The following ENTPD6 variants were observed in gnomAD, a reference collection of about 807,000 sequenced individuals.
ENTPD6 encodes CD39 antigen-like 2.
ENTPD6 carries 46 observed loss-of-function variants against 61.5 expected under a neutral mutation model. That is an observed-to-expected ratio of 0.75 (90% CI 0.59 to 0.96). The LOEUF (loss-of-function observed/expected upper bound fraction) is 0.96, where lower values mean the gene tolerates loss of function less well. Ranked by LOEUF, ENTPD6 falls within the 40% of genes least tolerant of loss-of-function variation. The pLI is 0.00. For missense variants in ENTPD6, 612 were observed against 629.0 expected (o/e 0.97, Z 0.29); for synonymous variants, 252 against 255.5 (o/e 0.99, Z 0.13).
chr20:25,218,433 C>A, intron 9 of ENTPD6, 117 bp from the exon 10 acceptor site: 1 of 866,864 alleles, frequency 1.2e-6, no homozygotes, highest in South Asian at 1.4e-5. Context: ...CAGAGAAGCT[C>A]ACTAACTGCC....
At position 25,226,229 on chromosome 20, in the gene ENTPD6, C is replaced by T. The variant is rs761749219; in HGVS notation, c.*632C>T. ...GTTTGGGGTTAATGATGGAGGGAGACACCTCCTCATAGACGGCAGGTGCCC... is the reference window on the plus strand; with the variant it reads ...GTTTGGGGTTAATGATGGAGGGAGATACCTCCTCATAGACGGCAGGTGCCC... On this transcript the variant is annotated 3_prime_UTR_variant, in exon 15 of 15. Coordinates refer to ENST00000376652, the MANE Select transcript of ENTPD6 (RefSeq NM_001247.5). The T allele has an allele frequency of 2.6e-5, 4 of 152,756 alleles. No homozygotes were observed. Among genetic ancestry groups the T allele is most frequent in the Non-Finnish European group, 4.4e-5 (3 of 68,084 alleles). 9.5% of individuals were successfully genotyped at this position (152,756 alleles called of 1,614,324 possible).
intron 6 of ENTPD6, 131 bp downstream of exon 6, chr20:25,215,073 A>G (rs2123047539): frequency 1.6e-6 from 1 of 637,766 alleles, no homozygotes; most frequent in Non-Finnish European, 2.8e-6. Context: ...CCGATGCTCA[A>G]GTAAAGAATC....
rs1418430222 is a variant in ENTPD6, at chr20:25,226,817, G to A, written c.*1220G>A. The A allele has an allele frequency of 1.3e-5, 2 of 152,294 alleles. No homozygotes were observed. The highest frequency in any genetic ancestry group is 4.8e-5 in the African/African-American group (2 of 41,462). 9.4% of individuals were successfully genotyped at this position (152,294 alleles called of 1,614,324 possible). A position where few individuals can be genotyped will look rare whatever the true frequency, so the allele number is the denominator to read the frequency against. On this transcript the variant is annotated 3_prime_UTR_variant, in exon 15 of 15. Coordinates refer to ENST00000376652, the MANE Select transcript of ENTPD6 (RefSeq NM_001247.5). The stretch of plus-strand genomic sequence containing the variant: ...AACCTTAGAAAAGCTGCCAAAGGGG[G>A]TGGCGTATTTCCAGTCCTGTCGACA...
At position 25,227,886 on chromosome 20, in the gene ENTPD6, C is replaced by T. The variant is rs947554720; in HGVS notation, c.*2289C>T. The stretch of plus-strand genomic sequence containing the variant: ...ACAGCTACAGCCAGTTTAATCTTTG[C>T]CATTCTGGCAGATTTAAAAAAATGA... On this transcript the variant is annotated 3_prime_UTR_variant, in exon 15 of 15. Coordinates refer to ENST00000376652, the MANE Select transcript of ENTPD6 (RefSeq NM_001247.5). Among the ~76,000 whole-genome samples the T allele has an allele frequency of 2.6e-5, 4 of 152,250 alleles. No individual in the cohort carries two copies. The highest frequency in any genetic ancestry group is 5.9e-5 in the Non-Finnish European group (4 of 68,048).
intron 1 of ENTPD6, among the ~76,000 whole-genome samples, chr20:25,200,570 G>A (rs542899346): frequency 1.3e-5 from 2 of 152,116 alleles, no homozygotes; most frequent in East Asian, 1.9e-4. Context: ...TATCCAGTTT[G>A]TAGGCATACA....
chr20:25,196,463 G>A (rs891879587), intron 1 of ENTPD6, among the ~76,000 whole-genome samples: 9 of 152,200 alleles, frequency 5.9e-5, no homozygotes, highest in Non-Finnish European at 1.0e-4. Flanking sequence ...CCAGGAGAGC[G>A]TGGAAGAGGA....
In ENTPD6 at chr20:25,218,443, C is replaced by T. The variant is rs1007983409; in HGVS notation, c.879-107C>T. ...AGGAGCAGAGAAGCTCACTAACTGC[C>T]TTGCTGCAAGCTCCCCCTTCCCCAC... On this transcript the variant is annotated intron_variant, in intron 9 of 14. Transcript: ENST00000376652. 5.5e-5 allele frequency: 55 copies of T among 1,007,012 alleles called. No individual in the cohort carries two copies. The African/African-American group carries it at 7.3e-4, about 13-fold the overall frequency. The allele number at this position is 1,007,012 out of a possible 1,614,324, so 62.4% of individuals were successfully genotyped here.
intron 1 of ENTPD6, among the ~76,000 whole-genome samples, chr20:25,200,750 A>G (rs2090965090): frequency 6.6e-6 from 1 of 151,428 alleles, no homozygotes. Flanking sequence ...TTTTAGTTTC[A>G]TTTATTTTCT....
At chr20:25,203,463 T>C (rs926137804) in intron 1 of ENTPD6, among the ~76,000 whole-genome samples, 2 of 152,250 alleles carry the variant, frequency 1.3e-5, no homozygotes, top group Non-Finnish European at 2.9e-5. Context: ...TTCCTCATTC[T>C]TTTTGTTCCT....
At chr20:25,225,339 G>GC (rs771748215) in intron 14 of ENTPD6, 22 bp downstream of exon 14, 69 of 1,611,462 alleles carry the variant, frequency 4.3e-5, no homozygotes, top group Non-Finnish European at 5.3e-5. Context: ...CTCAGGTCAC[G>GC]CCCCAGCCCC....
intron 10 of ENTPD6, among the ~76,000 whole-genome samples, chr20:25,219,221 A>G (rs1244593450): frequency 1.3e-5 from 2 of 152,222 alleles, no homozygotes; most frequent in Non-Finnish European, 2.9e-5. Flanking sequence ...ATCCCTTCTG[A>G]AGCACTGAGC....
rs6138542 is a variant in ENTPD6, at chr20:25,227,137, C to A, written c.*1540C>A. 0.4 allele frequency among the ~76,000 whole-genome samples: 60,184 copies of A among 152,168 alleles called. 13,361 individuals are homozygous for A. Among genetic ancestry groups the A allele is most frequent in the East Asian group, 0.92 (4,755 of 5,170 alleles). ...CGAGTGCTTGTGCCTGAAGCCCCCC[C>A]CAACCAACTGTCACAGGAGGACAGG... On this transcript the variant is annotated 3_prime_UTR_variant, in exon 15 of 15. Transcript: ENST00000376652.
At chr20:25,197,679 G>A (rs1351469041) in intron 1 of ENTPD6, among the ~76,000 whole-genome samples, 3 of 152,220 alleles carry the variant, frequency 2.0e-5, no homozygotes, top group Non-Finnish European at 1.5e-5. Context: ...TCCTTGGGGA[G>A]AGGGGATGGT....
Position 25,227,544 on chromosome 20 carries a change from T to C in ENTPD6, c.*1947T>C, listed in dbSNP as rs894619553. Among the ~76,000 whole-genome samples the C allele has an allele frequency of 1.2e-4, 18 of 152,224 alleles. No homozygotes were observed. The highest frequency in any genetic ancestry group is 4.1e-4 in the African/African-American group (17 of 41,454). On this transcript the variant is annotated 3_prime_UTR_variant, in exon 15 of 15. Coordinates refer to ENST00000376652, the MANE Select transcript of ENTPD6 (RefSeq NM_001247.5). ...CTGAGTGTCTTTTGTGATAATGAAG[T>C]AGGCTCTCATTTGTCAAAAATAGCT...
In ENTPD6 at chr20:25,206,706, C is replaced by T. The variant is rs1001176279; in HGVS notation, c.54+116C>T. 7.4e-6 allele frequency: 6 copies of T among 814,564 alleles called. No homozygotes were observed. The African/African-American group carries it at 1.0e-4, about 14-fold the overall frequency. The allele number at this position is 814,564 out of a possible 1,614,324, so 50.5% of individuals were successfully genotyped here. A position where few individuals can be genotyped will look rare whatever the true frequency, so the allele number is the denominator to read the frequency against. On this transcript the variant is annotated intron_variant, in intron 2 of 14. Transcript: ENST00000376652. ...GAAAGACTGAATCAGATACGCGCTTCTGTTCCCATGAACAGTTTGGGAACA... is the reference window on the plus strand; with the variant it reads ...GAAAGACTGAATCAGATACGCGCTTTTGTTCCCATGAACAGTTTGGGAACA...
chr20:25,210,473 C>T (rs1005702476), intron 4 of ENTPD6, among the ~76,000 whole-genome samples: 1 of 151,330 alleles, frequency 6.6e-6, no homozygotes, highest in African/African-American at 2.4e-5. Flanking sequence ...GAGTGAGAAC[C>T]CTATTTCTAC....
chr20:25,208,851 T>A (rs13039195), intron 3 of ENTPD6, among the ~76,000 whole-genome samples: 4,434 of 152,358 alleles, frequency 0.029, 92 homozygotes, highest in South Asian at 0.059. Context: ...TATGTTAAAA[T>A]TTAACACTGA....
At position 25,225,409 on chromosome 20, in the gene ENTPD6, C is replaced by A. The variant is rs1384873184; in HGVS notation, c.1357-90C>A. ...GTTGCTGGGGTCATGTCCCCCAGCC[C>A]ATCCCTGGCTTCCAAGGAGCCACAG... On this transcript the variant is annotated intron_variant, in intron 14 of 14. Transcript: ENST00000376652. 6 of 1,579,210 alleles carry A rather than the reference C, an allele frequency of 3.8e-6. No individual in the cohort carries two copies. In the African/African-American group the frequency reaches 8.1e-5, roughly 21 times the overall value.
rs546086389 is a variant in ENTPD6, at chr20:25,226,681, A to T, written c.*1084A>T. 3.0e-4 allele frequency: 46 copies of T among 152,302 alleles called. No homozygotes were observed. Among genetic ancestry groups the T allele is most frequent in the African/African-American group, 1.1e-3 (46 of 41,558 alleles). 9.4% of individuals were successfully genotyped at this position (152,302 alleles called of 1,614,324 possible). On this transcript the variant is annotated 3_prime_UTR_variant, in exon 15 of 15. Transcript: ENST00000376652. Reference sequence around the variant, plus strand: ...CAGTGCCCGGCACGAGCTGAACCTCATGTGTTCCACTCCCAATAAAAGGTT... The same window carrying T: ...CAGTGCCCGGCACGAGCTGAACCTCTTGTGTTCCACTCCCAATAAAAGGTT...
Sources: allele counts gnomAD v4.1 joint callset (sites outside exome capture counted in the v4.1 genomes callset), GRCh38; gene constraint gnomAD v4.1.1; transcripts MANE v1.5; gene names NCBI Gene and HGNC (gene_info 2026-07-23, HGNC 2026-07-21).